EVL: variants seen among roughly 807,000 people sequenced by gnomAD.
The protein encoded by EVL is ena/VASP-like protein.
In EVL, 21 loss-of-function variants were observed where a neutral mutation model predicts 59.6. The ratio of observed to expected loss-of-function variants is 0.35; its 90% CI spans 0.25 to 0.51. The LOEUF (loss-of-function observed/expected upper bound fraction) is 0.51, where lower values mean the gene tolerates loss of function less well. EVL is among the 20% of genes least tolerant of loss of function. The pLI, the probability that EVL is intolerant of heterozygous loss-of-function variation, is 0.97. For missense variants in EVL, 462 were observed against 546.6 expected (o/e 0.85, Z 1.54); for synonymous variants, 198 against 203.5 (o/e 0.97, Z 0.23).
chr14:100,137,676 G>C (rs1469254839), intron 10 of EVL, 32 bp downstream of exon 10: 13 of 1,614,028 alleles, frequency 8.1e-6, no homozygotes, highest in Non-Finnish European at 1.0e-5. Flanking sequence ...TGAGCAGCGA[G>C]GCTGGTGGGG....
chr14:100,133,230 A>G (rs1182045833), intron 8 of EVL, among the ~76,000 whole-genome samples: 1 of 152,176 alleles, frequency 6.6e-6, no homozygotes, highest in Non-Finnish European at 1.5e-5. Context: ...GAGCTGTGGC[A>G]AAGGAGCCCT....
chr14:100,080,165 T>C (rs1450469159), intron 1 of EVL, among the ~76,000 whole-genome samples: 5 of 152,034 alleles, frequency 3.3e-5, no homozygotes, highest in African/African-American at 7.2e-5. Flanking sequence ...CTGGGCCACA[T>C]TGGAAGAATT....
chr14:100,038,817 A>G (rs1292697399), intron 1 of EVL, among the ~76,000 whole-genome samples: 2 of 58,530 alleles, frequency 3.4e-5, no homozygotes, highest in East Asian at 8.5e-4. Flanking sequence ...GCTGTAAAGA[A>G]AGAATATAAC....
At chr14:100,103,728 GGC>G (rs776460278) in intron 3 of EVL, among the ~76,000 whole-genome samples, 42 of 152,200 alleles carry the variant, frequency 2.8e-4, no homozygotes, top group Non-Finnish European at 4.7e-4. Context: ...TCTCCCACAA[GGC>G]TGTTGTGAGA....
At chr14:100,026,394 T>TTGGCCGGG (rs1170453675) in intron 1 of EVL, among the ~76,000 whole-genome samples, 11 of 151,348 alleles carry the variant, frequency 7.3e-5, no homozygotes, top group East Asian at 6.0e-4. Flanking sequence ...AGGGAATCAG[T>TTGGCCGGG]CAGTTTCAGT....
intron 1 of EVL, chr14:100,019,780 C>A: frequency 7.8e-7 from 1 of 1,276,806 alleles, no homozygotes; most frequent in Admixed American, 2.5e-5. Flanking sequence ...CTGGCTGGTT[C>A]TCACAAAAAA....
At chr14:100,090,611 A>G (rs2140309920) in intron 2 of EVL, among the ~76,000 whole-genome samples, 1 of 152,268 alleles carries the variant, frequency 6.6e-6, no homozygotes, top group East Asian at 1.9e-4. Context: ...ATTTTGAAAA[A>G]TAAGATTTAT....
intron 1 of EVL, chr14:100,019,630 C>T: frequency 6.5e-7 from 1 of 1,527,862 alleles, no homozygotes; most frequent in Non-Finnish European, 8.7e-7. Context: ...AAAAAGACTA[C>T]CACACAATCT....
chr14:100,017,845 CTCGTCAG>C (rs962683690), intron 1 of EVL, among the ~76,000 whole-genome samples: 3 of 152,344 alleles, frequency 2.0e-5, no homozygotes, highest in Non-Finnish European at 4.4e-5. Flanking sequence ...ACCTCCCTCA[CTCGTCAG>C]TCGGCCTCGT....
chr14:100,119,175 TC>T (rs1887538050), intron 3 of EVL, among the ~76,000 whole-genome samples: 1 of 152,272 alleles, frequency 6.6e-6, no homozygotes, highest in South Asian at 2.1e-4. Context: ...TTTTCATTTG[TC>T]TGTGGCATGA....
rs1370959677 is a variant in EVL at position 100,109,749 on chromosome 14, A to G, written c.358+12091A>G. The G allele has an allele frequency of 1.9e-6, 1 of 525,604 alleles. No homozygotes were observed. 32.6% of individuals were successfully genotyped at this position (525,604 alleles called of 1,614,324 possible). ...GAAATCGCACCCGTCACCTTGGCCT[A>G]CTTATCACCACCCCAAACAGAGGAA... is the stretch of plus-strand genomic sequence containing the variant. On this transcript the variant is annotated intron_variant, in intron 3 of 13. Coordinates refer to ENST00000392920, the MANE Select transcript of EVL (RefSeq NM_016337.3). This position sits in a 1 kb window ranked among gnomAD's most constrained non-coding sequence, Gnocchi z 4.3.
At position 100,127,136 on chromosome 14, in the gene EVL, T is replaced by C. The variant is rs1053792711; in HGVS notation, c.487+365T>C. On this transcript the variant is annotated intron_variant, in intron 5 of 13. Coordinates refer to ENST00000392920, the MANE Select transcript of EVL (RefSeq NM_016337.3). This position sits in a 1 kb window ranked among gnomAD's most constrained non-coding sequence, Gnocchi z 4.2. ...GGAGACAGTGAACCCACCCTTGTCA[T>C]GTCACGTAGTGAACACTGTGGCAAG... Among the ~76,000 whole-genome samples the C allele has an allele frequency of 2.6e-5, 4 of 152,246 alleles. No homozygotes were observed. Among genetic ancestry groups the C allele is most frequent in the African/African-American group, 9.6e-5 (4 of 41,464 alleles).
At chr14:100,120,468 T>C (rs1248289842) in intron 3 of EVL, among the ~76,000 whole-genome samples, 1 of 152,184 alleles carries the variant, frequency 6.6e-6, no homozygotes, top group East Asian at 1.9e-4. Context: ...AAGCTGTCAG[T>C]TTTTAAGAGA....
chr14:100,105,002 CCA>C (rs1886473399), intron 3 of EVL, among the ~76,000 whole-genome samples: 1 of 148,048 alleles, frequency 6.8e-6, no homozygotes, highest in African/African-American at 2.5e-5. Flanking sequence ...CTTTGTAGAG[CCA>C]CGGGGCCCCA....
chr14:100,023,747 C>G (rs986862785), intron 1 of EVL, among the ~76,000 whole-genome samples: 2 of 152,162 alleles, frequency 1.3e-5, no homozygotes, highest in Non-Finnish European at 2.9e-5. Context: ...CAGGCATGAG[C>G]CACCGTACCC....
chr14:99,997,103 C>T (rs2060918744), intron 1 of EVL, among the ~76,000 whole-genome samples: 1 of 152,110 alleles, frequency 6.6e-6, no homozygotes, highest in Non-Finnish European at 1.5e-5. Context: ...TTTAGATACT[C>T]TGTTATTACA....
chr14:100,126,965 C>T (rs115783985), intron 5 of EVL, among the ~76,000 whole-genome samples, 194 bp downstream of exon 5: 1,943 of 152,310 alleles, frequency 0.013, 38 homozygotes, highest in African/African-American at 0.045. Context: ...GTCTGCTCAG[C>T]TGGGTCTGGC....
chr14:100,072,674 T>TC (rs1390192859), intron 1 of EVL, among the ~76,000 whole-genome samples: 1 of 152,236 alleles, frequency 6.6e-6, no homozygotes, highest in Non-Finnish European at 1.5e-5. Flanking sequence ...CAGCTGACTT[T>TC]CAAATGGCTC....
chr14:100,141,590 G>A lies in EVL; in HGVS notation c.1162-146G>A, dbSNP rs942377901. ...TCCCATGCCGTCCCCCCTCAGCGTGGGAAGGGGGCCACGAGGAGACAAGGG... is the reference window on the plus strand; with the variant it reads ...TCCCATGCCGTCCCCCCTCAGCGTGAGAAGGGGGCCACGAGGAGACAAGGG... On this transcript the variant is annotated intron_variant, in intron 12 of 13. Transcript: ENST00000392920. 110 of 707,252 alleles carry A rather than the reference G, an allele frequency of 1.6e-4. No homozygotes were observed. The Middle Eastern group carries it at 1.6e-3, about 11-fold the overall frequency. 43.8% of individuals were successfully genotyped at this position (707,252 alleles called of 1,614,324 possible). A position where few individuals can be genotyped will look rare whatever the true frequency, so the allele number is the denominator to read the frequency against.
Sources: gnomAD v4.1 joint callset for allele counts (sites outside exome capture counted in the v4.1 genomes callset) on GRCh38, gnomAD v4.1.1 for gene constraint, Gnocchi (gnomAD v3.1) non-coding constraint, MANE v1.5 for transcripts, NCBI Gene and HGNC (gene_info 2026-07-23, HGNC 2026-07-21) for gene names.